Variants in ILDR2 observed in about 807,000 individuals in gnomAD.
ILDR2 encodes the protein immunoglobulin-like domain-containing receptor 2.
Under a neutral mutation model 66.8 loss-of-function variants are expected in ILDR2, and 25 were observed. That is an observed-to-expected ratio of 0.37 (90% CI 0.27 to 0.52). The LOEUF (loss-of-function observed/expected upper bound fraction) is 0.52, where lower values mean the gene tolerates loss of function less well. ILDR2 is among the 20% of genes least tolerant of loss of function. The pLI is 0.88. For missense variants in ILDR2, 827 were observed against 876.8 expected, an observed-to-expected ratio of 0.94 and a Z score of 0.72; for synonymous variants, 367 against 357.2, an observed-to-expected ratio of 1.03 and a Z score of -0.31.
chr1:166,947,016 AAACT>A (rs1323250341), intron 3 of ILDR2, among the ~76,000 whole-genome samples: 2 of 152,236 alleles, frequency 1.3e-5, no homozygotes, highest in African/African-American at 4.8e-5. Flanking sequence ...ATGCTGCTAC[AAACT>A]AATAAACAAC....
At chr1:166,924,890 C>T (rs548356160) in intron 7 of ILDR2, among the ~76,000 whole-genome samples, 47 of 152,162 alleles carry the variant, frequency 3.1e-4, no homozygotes, top group African/African-American at 1.1e-3. Context: ...GTGGCACATG[C>T]CTGTGGTCCC....
At chr1:166,904,470 T>C (rs1403994229), downstream of ILDR2, among the ~76,000 whole-genome samples, 1 of 152,192 alleles carries the variant, frequency 6.6e-6, no homozygotes, top group Non-Finnish European at 1.5e-5. Context: ...CACCCCCTTT[T>C]CATATGAGCT....
chr1:166,975,074 G>A (rs1490886034), intron 1 of ILDR2, 149 bp downstream of exon 1: 2 of 600,918 alleles, frequency 3.3e-6, no homozygotes, highest in Admixed American at 2.2e-5. Flanking sequence ...AAACACACAC[G>A]TTGCCCCCTC....
rs893220611 is a variant in ILDR2 at position 166,921,568 on chromosome 1, G to A, written c.1212-189C>T. 6.6e-6 allele frequency among the ~76,000 whole-genome samples: 1 copy of A among 152,192 alleles called. No individual in the cohort carries two copies. Among genetic ancestry groups the A allele is most frequent in the East Asian group, 1.9e-4 (1 of 5,176 alleles). The stretch of plus-strand genomic sequence containing the variant: ...CCCAGAACGTCAAGTAGGGGCAACC[G>A]AGTCTATTCCACTCGTGTGCCACGC... On this transcript the variant is annotated intron_variant, in intron 8 of 9. Transcript: ENST00000271417. This position sits in a 1 kb window ranked among gnomAD's most constrained non-coding sequence, Gnocchi z 5.3.
intron 1 of ILDR2, among the ~76,000 whole-genome samples, chr1:166,963,272 T>G (rs1662731276): frequency 6.6e-6 from 1 of 152,258 alleles, no homozygotes; most frequent in African/African-American, 2.4e-5. Context: ...ATGCTTACTG[T>G]GTGTCAGGGA....
In ILDR2 at chr1:166,913,208, G is replaced by A. The variant is rs1269535741; in HGVS notation, c.*6147C>T. The A allele has an allele frequency of 2.0e-5, 3 of 152,066 alleles. No homozygotes were observed. The highest frequency in any genetic ancestry group is 7.2e-5 in the African/African-American group (3 of 41,402). The allele number at this position is 152,066 out of a possible 1,614,324, so 9.4% of individuals were successfully genotyped here. ...TTATGAGTTCTTGGTAACAAATGTAGGTAAGAATTCTTTATTACGTTTAAA... is the reference window on the plus strand; with the variant it reads ...TTATGAGTTCTTGGTAACAAATGTAAGTAAGAATTCTTTATTACGTTTAAA... On this transcript the variant is annotated 3_prime_UTR_variant, in exon 10 of 10. Transcript: ENST00000271417.
chr1:166,922,151 C>A (rs914799468), intron 8 of ILDR2, among the ~76,000 whole-genome samples: 8 of 152,028 alleles, frequency 5.3e-5, no homozygotes, highest in Non-Finnish European at 1.0e-4. Context: ...GGCATGATGG[C>A]TCATGCCTGT....
intron 2 of ILDR2, 60 bp from the exon 3 acceptor site, chr1:166,956,912 A>T: frequency 6.3e-7 from 1 of 1,579,746 alleles, no homozygotes; most frequent in Admixed American, 1.8e-5. Flanking sequence ...GAAAAACACT[A>T]AACAATGGGG....
chr1:166,944,849 C>T (rs755934395), intron 3 of ILDR2, among the ~76,000 whole-genome samples: 11 of 152,254 alleles, frequency 7.2e-5, no homozygotes, highest in African/African-American at 2.2e-4. Flanking sequence ...GCAGTTATCT[C>T]GTGGCTGCAA....
In ILDR2 at chr1:166,921,837, G is replaced by A. The variant is rs1267900286; in HGVS notation, c.1212-458C>T. Reference sequence around the variant, plus strand: ...AGGGCCAAGTTACCTACTGGGGCAGGAGGGGAGAAGGACACTTGCAATTTG... The same window carrying A: ...AGGGCCAAGTTACCTACTGGGGCAGAAGGGGAGAAGGACACTTGCAATTTG... On this transcript the variant is annotated intron_variant, in intron 8 of 9. Coordinates refer to ENST00000271417, the MANE Select transcript of ILDR2 (RefSeq NM_199351.3). This position sits in a 1 kb window ranked among gnomAD's most constrained non-coding sequence, Gnocchi z 5.3. Among the ~76,000 whole-genome samples the A allele has an allele frequency of 1.3e-5, 2 of 152,200 alleles. No individual in the cohort carries two copies. The highest frequency in any genetic ancestry group is 1.5e-5 in the Non-Finnish European group (1 of 68,028).
intron 6 of ILDR2, among the ~76,000 whole-genome samples, chr1:166,933,821 A>G (rs1290128874): frequency 6.6e-6 from 1 of 152,198 alleles, no homozygotes. Flanking sequence ...GTCACTGATC[A>G]TTAACTTTTA....
In ILDR2 at chr1:166,914,036, G is replaced by C. The variant is rs12757660; in HGVS notation, c.*5319C>G. The C allele has an allele frequency of 0.14, 21,102 of 151,546 alleles. 1,719 individuals are homozygous for C. The highest frequency in any genetic ancestry group is 0.18 in the Middle Eastern group (54 of 296). 9.4% of individuals were successfully genotyped at this position (151,546 alleles called of 1,614,324 possible). ...AGGCTGAGGGAGGAGGATTGCTTGA[G>C]CTAGGAGTTTGAGACTGCAGTGAGC... On this transcript the variant is annotated 3_prime_UTR_variant, in exon 10 of 10. Transcript: ENST00000271417.
Position 166,914,634 on chromosome 1 carries a change from C to T in ILDR2, c.*4721G>A, listed in dbSNP as rs1218227056. ...CCTTCAAATAGTGCTAAAGCTCAGG[C>T]TGCTGCTTAAAGCATCTCAACACTG... On this transcript the variant is annotated 3_prime_UTR_variant, in exon 10 of 10. Coordinates refer to ENST00000271417, the MANE Select transcript of ILDR2 (RefSeq NM_199351.3). 3 of 152,232 alleles carry T rather than the reference C, an allele frequency of 2.0e-5. No homozygotes were observed. Among genetic ancestry groups the T allele is most frequent in the Admixed American group, 1.3e-4 (2 of 15,284 alleles). 9.4% of individuals were successfully genotyped at this position (152,232 alleles called of 1,614,324 possible). A position where few individuals can be genotyped will look rare whatever the true frequency, so the allele number is the denominator to read the frequency against.
intron 7 of ILDR2, among the ~76,000 whole-genome samples, chr1:166,923,870 T>C (rs1660110862): frequency 6.6e-6 from 1 of 152,268 alleles, no homozygotes; most frequent in African/African-American, 2.4e-5. Flanking sequence ...TCCATTGGTT[T>C]TCTAAAGTCC....
intron 2 of ILDR2, among the ~76,000 whole-genome samples, chr1:166,902,095 G>C (rs1376364164): frequency 6.6e-6 from 1 of 152,192 alleles, no homozygotes; most frequent in Non-Finnish European, 1.5e-5. Flanking sequence ...CCCGACCTCA[G>C]GTGATACACC....
At chr1:166,900,904 T>C (rs1260240412) in intron 2 of ILDR2, among the ~76,000 whole-genome samples, 3 of 152,356 alleles carry the variant, frequency 2.0e-5, no homozygotes, top group African/African-American at 7.2e-5. Context: ...AATGAAAAAT[T>C]GCTTGCTTTG....
rs1219809248 is a variant in ILDR2 at position 166,917,346 on chromosome 1, T to A, written c.*2009A>T. The A allele has an allele frequency of 6.6e-6, 1 of 152,180 alleles. No individual in the cohort carries two copies. The highest frequency in any genetic ancestry group is 2.4e-5 in the African/African-American group (1 of 41,432). 9.4% of individuals were successfully genotyped at this position (152,180 alleles called of 1,614,324 possible). ...TCTTATTTCATTGCAAACATAGGAC[T>A]TTTTTTGGAAATGTCATGAAGTACA... On this transcript the variant is annotated 3_prime_UTR_variant, in exon 10 of 10. Coordinates refer to ENST00000271417, the MANE Select transcript of ILDR2 (RefSeq NM_199351.3).
chr1:166,936,844 GGGA>G lies in ILDR2; in HGVS notation c.557-110_557-108del. ...AAAGGGGGAGAGGAGGAGGGACCTA[GGGA>G]AGAAAGCTTCTCTTAACAGGAGACA... On this transcript the variant is annotated intron_variant, in intron 4 of 9. Transcript: ENST00000271417. This position sits in a 1 kb window ranked among gnomAD's most constrained non-coding sequence, Gnocchi z 5.0. 5 of 1,090,708 alleles carry G rather than the reference GGGA, an allele frequency of 4.6e-6. No homozygotes were observed. The highest frequency in any genetic ancestry group is 6.7e-6 in the Non-Finnish European group (5 of 741,630). 67.6% of individuals were successfully genotyped at this position (1,090,708 alleles called of 1,614,324 possible).
intron 1 of ILDR2, among the ~76,000 whole-genome samples, chr1:166,961,529 T>G (rs1662615034): frequency 6.6e-6 from 1 of 152,212 alleles, no homozygotes; most frequent in Non-Finnish European, 1.5e-5. Flanking sequence ...TAAGTAAGAA[T>G]CCAGGTTCTA....
Sources: allele counts gnomAD v4.1 joint callset (sites outside exome capture counted in the v4.1 genomes callset), GRCh38; gene constraint gnomAD v4.1.1; non-coding constraint Gnocchi (gnomAD v3.1); transcripts MANE v1.5; gene names NCBI Gene and HGNC (gene_info 2026-07-23, HGNC 2026-07-21).